ADAM32: variants seen among roughly 807,000 people sequenced by gnomAD.
ADAM32 encodes the protein ADAM metallopeptidase domain 32.
A neutral mutation model predicts 114.9 loss-of-function variants in ADAM32; 89 were observed. The ratio of observed to expected loss-of-function variants is 0.77; its 90% CI spans 0.65 to 0.92. The LOEUF (loss-of-function observed/expected upper bound fraction) is 0.92. Ranked by LOEUF, ADAM32 falls within the 40% of genes least tolerant of loss-of-function variation. The pLI is 0.00. For missense variants in ADAM32, 870 were observed against 932.8 expected, an observed-to-expected ratio of 0.93 and a Z score of 0.88; for synonymous variants, 285 against 307.5, an observed-to-expected ratio of 0.93 and a Z score of 0.77.
chr8:39,255,511 G>A (rs1353137984), intron 18 of ADAM32, among the ~76,000 whole-genome samples: 1 of 151,892 alleles, frequency 6.6e-6, no homozygotes, highest in Non-Finnish European at 1.5e-5. Context: ...ATGTTTGTTG[G>A]CCATTTGTAT....
At chr8:39,150,293 G>A (rs1191473662) in intron 5 of ADAM32, among the ~76,000 whole-genome samples, 4 of 152,052 alleles carry the variant, frequency 2.6e-5, no homozygotes, top group Non-Finnish European at 4.4e-5. Context: ...AAAGTGAAAT[G>A]GAGAGCTGGT....
intron 5 of ADAM32, 101 bp from the exon 6 acceptor site, chr8:39,151,276 T>C (rs1803808141): frequency 9.9e-7 from 1 of 1,010,312 alleles, no homozygotes; most frequent in Non-Finnish European, 1.4e-6. Context: ...AAAAAAATAC[T>C]GGACTCAAAA....
At chr8:39,113,292 T>A (rs1384549122) in intron 1 of ADAM32, among the ~76,000 whole-genome samples, 1 of 152,186 alleles carries the variant, frequency 6.6e-6, no homozygotes, top group East Asian at 1.9e-4. Context: ...AGTAACATTA[T>A]GAGTGTCAGT....
At chr8:39,126,677 T>A (rs1802137581) in intron 2 of ADAM32, among the ~76,000 whole-genome samples, 3 of 152,330 alleles carry the variant, frequency 2.0e-5, no homozygotes, top group Non-Finnish European at 4.4e-5. Flanking sequence ...TTCTCTTGCC[T>A]GATTGCCCTG....
At chr8:39,228,251 G>T (rs190150782) in intron 14 of ADAM32, among the ~76,000 whole-genome samples, 1 of 152,072 alleles carries the variant, frequency 6.6e-6, no homozygotes, top group Admixed American at 6.5e-5. Context: ...ACCAATCCTG[G>T]TAATATGACA....
At chr8:39,266,186 A>G (rs2129451104) in intron 19 of ADAM32, among the ~76,000 whole-genome samples, 1 of 152,214 alleles carries the variant, frequency 6.6e-6, no homozygotes, top group Middle Eastern at 3.4e-3. Flanking sequence ...TTCCCTGAAT[A>G]TCCTGAATTT....
At chr8:39,124,274 TG>T (rs543443571) in intron 2 of ADAM32, among the ~76,000 whole-genome samples, 102 of 152,202 alleles carry the variant, frequency 6.7e-4, no homozygotes, top group Admixed American at 1.5e-3. Flanking sequence ...GAATGGGCAG[TG>T]TTTGGTTTTC....
chr8:39,155,054 C>G (rs1351427819), intron 6 of ADAM32, among the ~76,000 whole-genome samples: 1 of 152,088 alleles, frequency 6.6e-6, no homozygotes, highest in Non-Finnish European at 1.5e-5. Context: ...GCTCAATAAA[C>G]TAGGTATTGA....
intron 11 of ADAM32, among the ~76,000 whole-genome samples, chr8:39,196,480 A>G (rs1160038878): frequency 6.6e-6 from 1 of 152,128 alleles, no homozygotes; most frequent in Non-Finnish European, 1.5e-5. Context: ...TTTGTTATAT[A>G]TGGCCCTATT....
At chr8:39,122,019 G>A (rs138474453) in intron 2 of ADAM32, among the ~76,000 whole-genome samples, 1 of 152,252 alleles carries the variant, frequency 6.6e-6, no homozygotes, top group East Asian at 1.9e-4. Context: ...GCTATTCTAT[G>A]CCTGTTCTAC....
intron 11 of ADAM32, among the ~76,000 whole-genome samples, chr8:39,193,486 A>T (rs1806738956): frequency 6.6e-6 from 1 of 152,000 alleles, no homozygotes. Flanking sequence ...CTATATTCTG[A>T]ATTCTGTTTC....
chr8:39,275,893 T>TA, intron 22 of ADAM32, 27 bp downstream of exon 22: 1 of 1,529,056 alleles, frequency 6.5e-7, no homozygotes, highest in Non-Finnish European at 8.8e-7. Flanking sequence ...GCATTTTTTT[T>TA]ATATAATAAG....
chr8:39,210,941 G>C (rs1404887798), intron 11 of ADAM32, among the ~76,000 whole-genome samples: 9 of 151,968 alleles, frequency 5.9e-5, no homozygotes, highest in Non-Finnish European at 1.0e-4. Flanking sequence ...CTATTGAATT[G>C]TACTTAATTT....
chr8:39,138,787 C>T (rs1802965241), intron 3 of ADAM32, among the ~76,000 whole-genome samples: 1 of 152,224 alleles, frequency 6.6e-6, no homozygotes, highest in Non-Finnish European at 1.5e-5. Flanking sequence ...TACACACCCA[C>T]CAACAGTGTA....
intron 2 of ADAM32, among the ~76,000 whole-genome samples, chr8:39,122,951 A>C (rs1358374573): frequency 6.6e-6 from 1 of 152,214 alleles, no homozygotes; most frequent in Non-Finnish European, 1.5e-5. Context: ...GTCTTTACCT[A>C]ACCCAAGCTC....
chr8:39,224,329 T>C (rs1809195139), intron 14 of ADAM32, among the ~76,000 whole-genome samples: 1 of 152,222 alleles, frequency 6.6e-6, no homozygotes, highest in Admixed American at 6.5e-5. Flanking sequence ...GTTCTACTTT[T>C]GATTTCTAAG....
rs575773128 is a variant in ADAM32 at position 39,275,830 on chromosome 8, C to A, written c.2243C>A (p.Thr748Asn). The A allele has an allele frequency of 1.9e-6, 3 of 1,557,460 alleles. No homozygotes were observed. The highest frequency in any genetic ancestry group is 2.6e-6 in the Non-Finnish European group (3 of 1,149,980). The change falls in exon 22 of 25, where the codon ACC becomes AAC. Residue 748 changes from threonine to asparagine, a missense_variant and splice_region_variant. Thr to Asn is a moderately conservative substitution (Grantham distance 65). Transcript: ENST00000379907. ...EGSTQTYASQ[T>N]RSESSSQADT... ...ATTACTTTTTCGCTTTCTTTTAGAA[C>A]CAGATCAGAAAGCAGCAGTCAAGCT...
chr8:39,169,948 T>A lies in ADAM32; in HGVS notation c.866T>A (p.Val289Glu). 6.2e-7 allele frequency: 1 copy of A among 1,601,266 alleles called. No homozygotes were observed. Among genetic ancestry groups the A allele is most frequent in the Non-Finnish European group, 8.5e-7 (1 of 1,171,610 alleles). The change falls in exon 10 of 25, where the codon GTG becomes GAG. Residue 289 changes from valine to glutamate, a missense_variant. By Grantham distance (121) the Val-to-Glu change is moderately radical. Transcript: ENST00000379907. ...YMDYPRYLGAVFPGTMCITRY... is the reference protein window; with the variant it reads ...YMDYPRYLGAEFPGTMCITRY... ...GATTATCCTCGTTATTTGGGAGCAG[T>A]GTTTCCTGGAACAATGTGTATTACT...
chr8:39,269,369 A>G (rs557956182), intron 19 of ADAM32, among the ~76,000 whole-genome samples: 1 of 152,236 alleles, frequency 6.6e-6, no homozygotes, highest in South Asian at 2.1e-4. Flanking sequence ...TGTTTTATAC[A>G]TTTTGTCTGT....
Sources: allele counts gnomAD v4.1 joint callset (sites outside exome capture counted in the v4.1 genomes callset), GRCh38; gene constraint gnomAD v4.1.1; transcripts MANE v1.5; gene names NCBI Gene and HGNC (gene_info 2026-07-23, HGNC 2026-07-21).